ARHGAP26: variants seen among roughly 807,000 people sequenced by gnomAD.
The protein encoded by ARHGAP26 is Rho GTPase activating protein 26.
Under a neutral mutation model 104.8 loss-of-function variants are expected in ARHGAP26, and 38 were observed. That is an observed-to-expected ratio of 0.36 (90% CI 0.28 to 0.48). ARHGAP26 has a LOEUF of 0.48. ARHGAP26 is among the 20% of genes least tolerant of loss of function. ARHGAP26 has a pLI of 0.99. For synonymous variants in ARHGAP26, 341 were observed against 340.0 expected, an observed-to-expected ratio of 1.00 and a Z score of -0.03; for missense variants, 704 against 947.9, an observed-to-expected ratio of 0.74 and a Z score of 3.38.
rs563433611 is a variant in ARHGAP26 at position 143,160,621 on chromosome 5, A to G, written c.1988+13240A>G. ...CACCTTAGCTCCTGAGTAGCTGGATAGTCCCAGGCATGTGCCACCATACCC... is the reference window on the plus strand; with the variant it reads ...CACCTTAGCTCCTGAGTAGCTGGATGGTCCCAGGCATGTGCCACCATACCC... On this transcript the variant is annotated intron_variant, in intron 20 of 22. Coordinates refer to ENST00000645722, the MANE Select transcript of ARHGAP26 (RefSeq NM_001135608.3). 4.6e-5 allele frequency among the ~76,000 whole-genome samples: 7 copies of G among 152,038 alleles called. No homozygotes were observed. The South Asian group carries it at 1.5e-3, about 32-fold the overall frequency.
chr5:143,038,831 G>A (rs1783039265), intron 13 of ARHGAP26, among the ~76,000 whole-genome samples: 1 of 151,224 alleles, frequency 6.6e-6, no homozygotes, highest in East Asian at 1.9e-4. Flanking sequence ...GAGTAGCTGG[G>A]ATTACGGGCA....
intron 11 of ARHGAP26, among the ~76,000 whole-genome samples, chr5:142,990,834 A>T (rs1562217157): frequency 6.6e-6 from 1 of 152,102 alleles, no homozygotes; most frequent in Non-Finnish European, 1.5e-5. Flanking sequence ...GCTTCATCTC[A>T]GAGGGGCATC....
intron 11 of ARHGAP26, among the ~76,000 whole-genome samples, chr5:143,012,560 T>TATATATATATAC (rs1778990681): frequency 1.4e-5 from 1 of 70,632 alleles, no homozygotes; most frequent in Non-Finnish European, 3.4e-5. Flanking sequence ...TACATATATA[T>TATATATATATAC]ATATATATAT....
chr5:143,187,303 G>T (rs1390263685), intron 20 of ARHGAP26, among the ~76,000 whole-genome samples: 1 of 152,128 alleles, frequency 6.6e-6, no homozygotes, highest in African/African-American at 2.4e-5. Context: ...TTAGAAATCT[G>T]CTTATCAAGT....
In ARHGAP26 at chr5:142,861,619, C is replaced by T. The variant is rs139491070; in HGVS notation, c.155-11781C>T. On this transcript the variant is annotated intron_variant, in intron 1 of 22. Transcript: ENST00000645722. ...TGGCTTCATTGTCCTTTCATTTTTACGCAGAAACAAATCAGCCTGGCATGT... is the reference window on the plus strand; with the variant it reads ...TGGCTTCATTGTCCTTTCATTTTTATGCAGAAACAAATCAGCCTGGCATGT... Among the ~76,000 whole-genome samples the T allele has an allele frequency of 4.6e-5, 7 of 152,148 alleles. No homozygotes were observed. In the East Asian group the frequency reaches 5.8e-4, roughly 13 times the overall value.
chr5:142,780,198 G>T (rs1380338655), intron 1 of ARHGAP26, among the ~76,000 whole-genome samples: 1 of 152,192 alleles, frequency 6.6e-6, no homozygotes, highest in Non-Finnish European at 1.5e-5. Flanking sequence ...CTCATTGTTA[G>T]ATTGCATTGT....
chr5:143,109,827 T>A (rs150971605), intron 17 of ARHGAP26, among the ~76,000 whole-genome samples: 5 of 152,332 alleles, frequency 3.3e-5, no homozygotes, highest in Admixed American at 6.5e-5. Context: ...ACAGAGAGGA[T>A]GACTAATACT....
At chr5:143,140,977 C>T (rs1798453404) in intron 19 of ARHGAP26, among the ~76,000 whole-genome samples, 2 of 152,194 alleles carry the variant, frequency 1.3e-5, no homozygotes, top group Non-Finnish European at 1.5e-5. Flanking sequence ...TACGTAATGC[C>T]TTTCTCTGAG....
At chr5:143,115,739 A>G (rs1462707337) in intron 17 of ARHGAP26, among the ~76,000 whole-genome samples, 1 of 152,174 alleles carries the variant, frequency 6.6e-6, no homozygotes, top group Admixed American at 6.5e-5. Flanking sequence ...CAAGTTTACA[A>G]GCTACAAGCT....
intron 19 of ARHGAP26, among the ~76,000 whole-genome samples, chr5:143,142,255 T>C (rs886695398): frequency 4.7e-5 from 7 of 148,774 alleles, no homozygotes; most frequent in African/African-American, 7.5e-5. Context: ...TCTCCCGCCT[T>C]AGCCTCCTGA....
chr5:143,191,374 C>T (rs1469403503), intron 20 of ARHGAP26, among the ~76,000 whole-genome samples: 2 of 152,292 alleles, frequency 1.3e-5, no homozygotes, highest in East Asian at 3.9e-4. Context: ...ATTAAATTGG[C>T]TCTTCCAAAT....
At chr5:143,216,563 A>T in intron 22 of ARHGAP26, 2 of 322,072 alleles carry the variant, frequency 6.2e-6, no homozygotes, top group Non-Finnish European at 1.2e-5. Flanking sequence ...CAATTCTGTA[A>T]CTGCTCCCAC....
intron 1 of ARHGAP26, among the ~76,000 whole-genome samples, chr5:142,873,197 A>G (rs769545878): frequency 6.6e-6 from 1 of 152,260 alleles, no homozygotes; most frequent in African/African-American, 2.4e-5. Context: ...ATATAACAAA[A>G]ATATTAACTT....
chr5:143,006,373 C>T (rs1777975382), intron 11 of ARHGAP26, among the ~76,000 whole-genome samples: 1 of 147,518 alleles, frequency 6.8e-6, no homozygotes, highest in Non-Finnish European at 1.5e-5. Context: ...TCTATTTATC[C>T]AATCAGTACT....
chr5:142,954,456 G>C (rs1461330341), intron 11 of ARHGAP26, among the ~76,000 whole-genome samples: 1 of 152,132 alleles, frequency 6.6e-6, no homozygotes, highest in African/African-American at 2.4e-5. Context: ...CACTTCCCAC[G>C]CAACCTCAAC....
intron 20 of ARHGAP26, among the ~76,000 whole-genome samples, chr5:143,191,030 C>T (rs568836416): frequency 1.3e-5 from 2 of 152,294 alleles, no homozygotes; most frequent in African/African-American, 4.8e-5. Context: ...TGTGGCTGAG[C>T]ATGGGAGCAG....
At chr5:143,148,488 A>G (rs1483920886) in intron 20 of ARHGAP26, among the ~76,000 whole-genome samples, 3 of 152,248 alleles carry the variant, frequency 2.0e-5, no homozygotes, top group African/African-American at 7.2e-5. Flanking sequence ...ACTATACTGT[A>G]GGATGAAATC....
rs755635861 is a variant in ARHGAP26, at chr5:142,903,581, A to G, written c.744A>G (p.Ser248=). The G allele has an allele frequency of 6.2e-6, 10 of 1,614,070 alleles. No individual in the cohort carries two copies. The highest frequency in any genetic ancestry group is 8.5e-6 in the Non-Finnish European group (10 of 1,179,924). Residue 248 remains serine, a synonymous_variant, in exon 8 of 23, where the codon TCA becomes TCG. Transcript: ENST00000645722. ...AAGGCACTAGATCAGAAGTGGAATC[A>G]CTGATGAAAAAGATGAAGGAGAATC... is the stretch of plus-strand genomic sequence containing the variant. The part of the protein sequence containing the change: ...RFEGTRSEVE[S]LMKKMKENPL...
intron 20 of ARHGAP26, among the ~76,000 whole-genome samples, chr5:143,152,645 T>C (rs1360561356): frequency 6.6e-6 from 1 of 152,230 alleles, no homozygotes. Context: ...CCTTTACCCT[T>C]TGACTTATTT....
Sources: gnomAD v4.1 joint callset for allele counts (sites outside exome capture counted in the v4.1 genomes callset) on GRCh38, gnomAD v4.1.1 for gene constraint, MANE v1.5 for transcripts, NCBI Gene and HGNC (gene_info 2026-07-23, HGNC 2026-07-21) for gene names.